TMEM175: variants seen among roughly 807,000 people sequenced by gnomAD.
TMEM175 encodes transmembrane protein 175.
TMEM175 carries 36 observed loss-of-function variants against 36.5 expected under a neutral mutation model. The observed-to-expected ratio is 0.99, with a 90% CI of 0.76 to 1.30. The LOEUF (loss-of-function observed/expected upper bound fraction) is 1.30. TMEM175 is among the 50% of genes most tolerant of loss of function. TMEM175 has a pLI of 0.00. For missense variants in TMEM175, 705 were observed against 692.8 expected, an observed-to-expected ratio of 1.02 and a Z score of -0.20; for synonymous variants, 339 against 313.4, an observed-to-expected ratio of 1.08 and a Z score of -0.86.
At chr4:933,877 TTAAAAA>T (rs1383159698) in intron 1 of TMEM175, among the ~76,000 whole-genome samples, 1 of 152,242 alleles carries the variant, frequency 6.6e-6, no homozygotes, top group African/African-American at 2.4e-5. Context: ...AATGACATCT[TTAAAAA>T]TATATATAAC....
At chr4:948,511 C>T (rs1358651648) in intron 3 of TMEM175, 1 of 1,400,468 alleles carries the variant, frequency 7.1e-7, no homozygotes, top group Admixed American at 2.1e-5. Flanking sequence ...GGGAGGGCAG[C>T]TGCCCCAGCA....
intron 10 of TMEM175, chr4:957,023 C>T (rs1331159423): frequency 1.3e-5 from 2 of 154,728 alleles, no homozygotes; most frequent in African/African-American, 2.4e-5. Context: ...CTGAGGCTCC[C>T]CTTGGGAGGG....
intron 8 of TMEM175, among the ~76,000 whole-genome samples, chr4:954,492 C>T (rs377396222): frequency 1.7e-4 from 25 of 149,502 alleles, no homozygotes; most frequent in African/African-American, 2.2e-4. Flanking sequence ...TGAGTGGCGC[C>T]GCTGTGAGCA....
chr4:937,217 T>C (rs573102797), intron 1 of TMEM175, among the ~76,000 whole-genome samples: 1 of 152,234 alleles, frequency 6.6e-6, no homozygotes, highest in South Asian at 2.1e-4. Flanking sequence ...CCTAAATAGC[T>C]CTATGTCTAT....
At position 947,759 on chromosome 4, in the gene TMEM175, C is replaced by T; in HGVS notation, c.20C>T (p.Pro7Leu). 1.2e-6 allele frequency: 2 copies of T among 1,610,592 alleles called. No homozygotes were observed. The highest frequency in any genetic ancestry group is 1.1e-5 in the South Asian group (1 of 90,874). Reference sequence around the variant, plus strand: ...CCCGCCATGTCCCAGCCCCGGACCCCAGAGCAGGCACTGGATACACCGGGG... The same window carrying T: ...CCCGCCATGTCCCAGCCCCGGACCCTAGAGCAGGCACTGGATACACCGGGG... MSQPRT[P>L]EQALDTPGDC... is the part of the protein sequence containing the mutation. The change falls in exon 2 of 11, where the codon CCA becomes CTA. Residue 7 changes from proline to leucine, a missense_variant. Transcript: ENST00000264771.
chr4:952,026 GC>G (rs1728957520), intron 6 of TMEM175: 3 of 583,696 alleles, frequency 5.1e-6, no homozygotes, highest in Non-Finnish European at 9.2e-6. Context: ...CCGACCACCC[GC>G]CCTGTACTAC....
chr4:934,325 G>A lies in TMEM175; in HGVS notation c.-32+1785G>A, dbSNP rs529241989. Among the ~76,000 whole-genome samples the A allele has an allele frequency of 9.8e-5, 15 of 152,376 alleles. No homozygotes were observed. The South Asian group carries it at 2.9e-3, about 29-fold the overall frequency. The stretch of plus-strand genomic sequence containing the variant: ...TTGTGGAGAAAGAGCAGTCAGTGAA[G>A]GAGGAAGAAAACCAAGAGAGTGTCG... On this transcript the variant is annotated intron_variant, in intron 1 of 10. Transcript: ENST00000264771.
Position 948,439 on chromosome 4 carries a change from C to G in TMEM175, c.192+285C>G, listed in dbSNP as rs1728462970. 4 of 1,498,042 alleles carry G rather than the reference C, an allele frequency of 2.7e-6. No homozygotes were observed. The South Asian group carries it at 3.6e-5, about 14-fold the overall frequency. 92.8% of individuals were successfully genotyped at this position (1,498,042 alleles called of 1,614,324 possible). A position where few individuals can be genotyped will look rare whatever the true frequency, so the allele number is the denominator to read the frequency against. Reference sequence around the variant, plus strand: ...ACAAAGGCAGCACCCTGGAAGTGAGCCAGAGGACAGGTTGGAAGAGGAAGG... The same window carrying G: ...ACAAAGGCAGCACCCTGGAAGTGAGGCAGAGGACAGGTTGGAAGAGGAAGG... On this transcript the variant is annotated intron_variant, in intron 3 of 10. Coordinates refer to ENST00000264771, the MANE Select transcript of TMEM175 (RefSeq NM_032326.4).
chr4:937,296 G>C (rs1202279730), intron 1 of TMEM175, among the ~76,000 whole-genome samples: 1 of 152,200 alleles, frequency 6.6e-6, no homozygotes, highest in African/African-American at 2.4e-5. Flanking sequence ...GGGCACAGTA[G>C]CTCATGCCTG....
rs765022881 is a variant in TMEM175, at chr4:951,717, G to T, written c.378G>T (p.Thr126=). The T allele has an allele frequency of 6.2e-7, 1 of 1,613,936 alleles. No homozygotes were observed. Among genetic ancestry groups the T allele is most frequent in the Non-Finnish European group, 8.5e-7 (1 of 1,179,988 alleles). Residue 126 remains threonine (T), a splice_region_variant and synonymous_variant, in exon 6 of 11, where the codon ACG becomes ACT. Transcript: ENST00000264771. ...CMMTITFLPY[T]FSLMVTFPDV... ...TGACCATCACCTTCCTGCCTTACAC[G>T]GTGAGCAACACCAGGCCCCTGACAC...
intron 7 of TMEM175, among the ~76,000 whole-genome samples, chr4:952,944 G>T (rs1729135944): frequency 6.6e-6 from 1 of 152,004 alleles, no homozygotes; most frequent in Non-Finnish European, 1.5e-5. Flanking sequence ...CCAGGAGCCA[G>T]CAGGGGCTCC....
At chr4:948,684 ATCT>A in intron 3 of TMEM175, 1 of 1,204,922 alleles carries the variant, frequency 8.3e-7, no homozygotes, top group Non-Finnish European at 1.1e-6. Flanking sequence ...GCCAAACAGC[ATCT>A]TAGAAGGGGA....
intron 6 of TMEM175, 114 bp from the exon 7 acceptor site, chr4:952,253 A>G: frequency 1.1e-6 from 1 of 923,766 alleles, no homozygotes; most frequent in Non-Finnish European, 1.7e-6. Flanking sequence ...TGATGGCCCC[A>G]CCGCATCTCC....
intron 4 of TMEM175, among the ~76,000 whole-genome samples, chr4:950,944 A>AGGTGTGGAT (rs1017901349): frequency 1.4e-5 from 2 of 144,982 alleles, no homozygotes; most frequent in Non-Finnish European, 3.0e-5. Context: ...CAATAGGTGG[A>AGGTGTGGAT]GGTGTGGATG....
chr4:951,205 A>G lies in TMEM175; in HGVS notation c.291-2A>G. ...TGTCTATCTTTTTCTTAAATGGTTT[A>G]GGTTGTTCCAAGTTGTTGGGAAAAC... On this transcript the variant is annotated splice_acceptor_variant, in intron 4 of 10. Transcript: ENST00000264771. LOFTEE classifies it high-confidence loss of function. 2 of 1,614,026 alleles carry G rather than the reference A, an allele frequency of 1.2e-6. No homozygotes were observed. Among genetic ancestry groups the G allele is most frequent in the Non-Finnish European group, 1.7e-6 (2 of 1,179,948 alleles).
chr4:934,125 G>T (rs1726510818), intron 1 of TMEM175, among the ~76,000 whole-genome samples: 1 of 152,258 alleles, frequency 6.6e-6, no homozygotes. Context: ...CAGTGCGTTT[G>T]TCTGGTCGAC....
At chr4:950,241 G>A (rs1728691745) in intron 3 of TMEM175, among the ~76,000 whole-genome samples, 180 bp from the exon 4 acceptor site, 1 of 152,110 alleles carries the variant, frequency 6.6e-6, no homozygotes, top group Non-Finnish European at 1.5e-5. Context: ...GCTGGACCCA[G>A]ACCAGGGCAC....
chr4:948,601 C>T, intron 3 of TMEM175: 1 of 1,300,458 alleles, frequency 7.7e-7, no homozygotes, highest in Middle Eastern at 2.1e-4. Context: ...CCCGGCTGCT[C>T]CTGCAGGCCT....
chr4:942,886 C>T (rs934769085), intron 1 of TMEM175, among the ~76,000 whole-genome samples: 61 of 152,096 alleles, frequency 4.0e-4, no homozygotes, highest in East Asian at 5.8e-4. Flanking sequence ...GTGATCCGCC[C>T]GCCTCTGCCT....
Sources: allele counts gnomAD v4.1 joint callset (sites outside exome capture counted in the v4.1 genomes callset), GRCh38; gene constraint gnomAD v4.1.1; transcripts MANE v1.5; gene names NCBI Gene and HGNC (gene_info 2026-07-23, HGNC 2026-07-21).